The following PCDHA6 variants were observed in gnomAD, a reference collection of about 807,000 sequenced individuals.
The protein encoded by PCDHA6 is protocadherin alpha-6.
PCDHA6 carries 55 observed loss-of-function variants against 60.3 expected under a neutral mutation model. The ratio of observed to expected loss-of-function variants is 0.91; its 90% CI spans 0.73 to 1.14. The LOEUF (loss-of-function observed/expected upper bound fraction) is 1.14. PCDHA6 is among the 50% of genes most tolerant of loss of function. The probability of loss-of-function intolerance (pLI) is 0.00; values close to 1 mark genes in which losing one functional copy is unlikely to be tolerated. For missense variants in PCDHA6, 1,327 were observed against 1,256.5 expected, an observed-to-expected ratio of 1.06 and a Z score of -0.85; for synonymous variants, 652 against 557.9, an observed-to-expected ratio of 1.17 and a Z score of -2.38.
intron 1 of PCDHA6, among the ~76,000 whole-genome samples, chr5:140,910,531 C>G (rs2153515118): frequency 6.6e-6 from 1 of 152,310 alleles, no homozygotes; most frequent in Admixed American, 6.5e-5. Flanking sequence ...ACTCCCCTCA[C>G]AAATCTATTT....
At chr5:140,991,452 C>T (rs1162146299) in intron 3 of PCDHA6, among the ~76,000 whole-genome samples, 3 of 152,184 alleles carry the variant, frequency 2.0e-5, no homozygotes, top group African/African-American at 7.2e-5. Context: ...TAAAACAACA[C>T]AATGTATTAT....
chr5:140,852,896 TG>T (rs2042516637), intron 1 of PCDHA6: 1 of 852,490 alleles, frequency 1.2e-6, no homozygotes, highest in Non-Finnish European at 1.4e-6. Context: ...TTTTTTTTTT[TG>T]AGTCAGAGTC....
chr5:140,965,975 T>TGA (rs1554227957), intron 1 of PCDHA6, among the ~76,000 whole-genome samples: 1 of 152,180 alleles, frequency 6.6e-6, no homozygotes, highest in Non-Finnish European at 1.5e-5. Flanking sequence ...CCCTAGGAGT[T>TGA]GAGCACTTTC....
intron 1 of PCDHA6, among the ~76,000 whole-genome samples, chr5:140,946,992 A>T (rs1393633852): frequency 1.3e-5 from 2 of 151,908 alleles, no homozygotes; most frequent in East Asian, 3.9e-4. Context: ...TGAGTGTTCT[A>T]ACTTCAAAGA....
intron 1 of PCDHA6, chr5:140,862,633 G>T (rs113613111): frequency 3.7e-6 from 2 of 537,190 alleles, no homozygotes; most frequent in East Asian, 5.1e-5. Context: ...GGGCTGCCAC[G>T]ACTTCACAGT....
At chr5:140,983,904 C>T (rs1227752084) in intron 3 of PCDHA6, among the ~76,000 whole-genome samples, 2 of 152,164 alleles carry the variant, frequency 1.3e-5, no homozygotes, top group African/African-American at 4.8e-5. Context: ...TTCGTTGATT[C>T]TAATCAGCCA....
In PCDHA6 at chr5:140,968,565, C is replaced by T. The variant is rs532751675; in HGVS notation, c.2395-10384C>T. ...GAGATGGTGCCTCGAACTGCCCCTG[C>T]TGGCTACCTGGTCACCAAAGTCATA... is the stretch of plus-strand genomic sequence containing the variant. On this transcript the variant is annotated intron_variant, in intron 1 of 3. Coordinates refer to ENST00000529310, the MANE Select transcript of PCDHA6 (RefSeq NM_018909.4). 4.3e-6 allele frequency: 7 copies of T among 1,614,206 alleles called. No homozygotes were observed. The African/African-American group carries it at 6.7e-5, about 15-fold the overall frequency.
chr5:141,004,037 G>A (rs946974688), intron 3 of PCDHA6, among the ~76,000 whole-genome samples: 1 of 152,200 alleles, frequency 6.6e-6, no homozygotes, highest in African/African-American at 2.4e-5. Flanking sequence ...TTCCTTGATT[G>A]ATCATTTGCT....
At chr5:141,005,689 G>A (rs980293858) in intron 3 of PCDHA6, among the ~76,000 whole-genome samples, 12 of 95,950 alleles carry the variant, frequency 1.3e-4, no homozygotes, top group African/African-American at 4.3e-4. Context: ...GCGACAGAGC[G>A]AAACTCCGTC....
chr5:140,833,764 A>ACACACG (rs564524139), intron 1 of PCDHA6, among the ~76,000 whole-genome samples: 1 of 151,920 alleles, frequency 6.6e-6, no homozygotes, highest in African/African-American at 2.4e-5. Flanking sequence ...ACACACACAC[A>ACACACG]CACCGCTTTC....
At chr5:140,836,476 T>G (rs2150261790) in intron 1 of PCDHA6, 1 of 1,613,860 alleles carries the variant, frequency 6.2e-7, no homozygotes, top group South Asian at 1.1e-5. Context: ...GATGTCAACG[T>G]GTACCTGATC....
At chr5:140,850,702 AGCCGAC>A (rs2150495011) in intron 1 of PCDHA6, 2 of 1,598,050 alleles carry the variant, frequency 1.3e-6, no homozygotes, top group Non-Finnish European at 1.7e-6. Flanking sequence ...GCGCCTGGCA[AGCCGAC>A]GCTGGTGTGT....
rs191892568 is a variant in PCDHA6, at chr5:140,903,945, C to T, written c.2394+73460C>T. 2.6e-5 allele frequency among the ~76,000 whole-genome samples: 4 copies of T among 152,280 alleles called. No homozygotes were observed. In the East Asian group the frequency reaches 5.8e-4, roughly 22 times the overall value. ...TGCATTGGATAATACCTCTTAAATA[C>T]TGGAAAATTATTTGTTGATTTTTGG... On this transcript the variant is annotated intron_variant, in intron 1 of 3. Transcript: ENST00000529310.
Position 140,829,581 on chromosome 5 carries a change from G to A in PCDHA6, c.1490G>A (p.Arg497Gln). 2 of 1,612,280 alleles carry A rather than the reference G, an allele frequency of 1.2e-6. No homozygotes were observed. The highest frequency in any genetic ancestry group is 1.7e-6 in the Non-Finnish European group (2 of 1,179,796). The change falls in exon 1 of 4, where the codon CGG (arginine) becomes CAG (glutamine). Residue 497 changes from arginine (R) to glutamine (Q), a missense_variant. By Grantham distance (43) the Arg-to-Gln change is conservative. Transcript: ENST00000529310. ...NALVSYSLVE[R>Q]RVGERALSSY... ...CTGGTGTCCTACTCGCTGGTGGAGC[G>A]GCGGGTGGGCGAGCGCGCGTTGTCG...
At chr5:141,000,538 A>C (rs31871) in intron 3 of PCDHA6, among the ~76,000 whole-genome samples, 70,673 of 145,962 alleles carry the variant, frequency 0.48, 18,171 homozygotes, top group African/African-American at 0.68. Flanking sequence ...AGTGATTCTC[A>C]TGCCTCAAAC....
chr5:140,993,266 T>G (rs1049781348), intron 3 of PCDHA6, among the ~76,000 whole-genome samples: 1 of 152,182 alleles, frequency 6.6e-6, no homozygotes, highest in Non-Finnish European at 1.5e-5. Flanking sequence ...AATTAGCTTC[T>G]TTGGTCTTTT....
intron 1 of PCDHA6, among the ~76,000 whole-genome samples, chr5:140,832,062 A>G (rs1554133455): frequency 6.6e-6 from 1 of 152,224 alleles, no homozygotes. Context: ...TACCAATTTA[A>G]TCTGAGATGT....
At chr5:140,934,574 A>G in intron 1 of PCDHA6, among the ~76,000 whole-genome samples, 1 of 152,124 alleles carries the variant, frequency 6.6e-6, no homozygotes, top group Non-Finnish European at 1.5e-5. Flanking sequence ...AATTAATTGT[A>G]ACATTTCTGT....
chr5:140,928,709 C>T (rs1563108337), intron 1 of PCDHA6: 1 of 1,614,180 alleles, frequency 6.2e-7, no homozygotes, highest in Non-Finnish European at 8.5e-7. Context: ...GCGTCTGACT[C>T]TAGTCTCTTT....
Sources: gnomAD v4.1 joint callset for allele counts (sites outside exome capture counted in the v4.1 genomes callset) on GRCh38, gnomAD v4.1.1 for gene constraint, MANE v1.5 for transcripts, NCBI Gene and HGNC (gene_info 2026-07-23, HGNC 2026-07-21) for gene names.